The following PRKAR1A variants were observed in gnomAD, a reference collection of about 807,000 sequenced individuals.
The protein encoded by PRKAR1A is protein kinase cAMP-dependent type I regulatory subunit alpha.
A neutral mutation model predicts 52.0 loss-of-function variants in PRKAR1A; 3 were observed. That is an observed-to-expected ratio of 0.06 (90% CI 0.03 to 0.15). PRKAR1A has a LOEUF of 0.15. Ranked by LOEUF, PRKAR1A falls within the 10% of genes least tolerant of loss-of-function variation. PRKAR1A has a pLI of 1.00. For synonymous variants in PRKAR1A, 188 were observed against 168.4 expected (o/e 1.12, Z -0.90); for missense variants, 240 against 477.4 (o/e 0.50, Z 4.63).
At chr17:68,516,241 T>C (rs919466004) in intron 2 of PRKAR1A, among the ~76,000 whole-genome samples, 5 of 152,230 alleles carry the variant, frequency 3.3e-5, no homozygotes, top group Admixed American at 3.3e-4. Flanking sequence ...ATATGGCATA[T>C]GTTTTTCTAA....
chr17:68,426,242 T>TC, the PRKAR1A span: 4 of 669,004 alleles, frequency 6.0e-6, no homozygotes, highest in Non-Finnish European at 8.8e-6. Context: ...ACCTGGCGGG[T>TC]GGGGAGCGGG....
chr17:68,458,101 T>C, the PRKAR1A span, among the ~76,000 whole-genome samples: 5 of 151,960 alleles, frequency 3.3e-5, no homozygotes, highest in Admixed American at 6.6e-5. Flanking sequence ...TCAAGCCGCA[T>C]TGAGAGAAGC....
the PRKAR1A span, among the ~76,000 whole-genome samples, chr17:68,451,605 G>A: frequency 4.5e-4 from 68 of 152,290 alleles, no homozygotes; most frequent in Non-Finnish European, 8.1e-4. Context: ...CCCTTTCCCT[G>A]AGAGATTTCA....
At chr17:68,518,250 A>G (rs1879734631) in intron 2 of PRKAR1A, among the ~76,000 whole-genome samples, 1 of 152,216 alleles carries the variant, frequency 6.6e-6, no homozygotes, top group Non-Finnish European at 1.5e-5. Context: ...TCGTAGTTCC[A>G]TTAGGCAGTG....
the PRKAR1A span, among the ~76,000 whole-genome samples, chr17:68,429,400 G>C: frequency 1.3e-3 from 204 of 152,220 alleles, 1 homozygote; most frequent in African/African-American, 4.5e-3. Flanking sequence ...ATAGGAGTCC[G>C]AACCTAGAAA....
chr17:68,483,436 A>G, the PRKAR1A span, among the ~76,000 whole-genome samples: 1 of 152,172 alleles, frequency 6.6e-6, no homozygotes, highest in Non-Finnish European at 1.5e-5. Context: ...AGCTGAGATG[A>G]CGCCACTGCA....
chr17:68,474,804 C>T, the PRKAR1A span, among the ~76,000 whole-genome samples: 2 of 152,088 alleles, frequency 1.3e-5, no homozygotes, highest in African/African-American at 4.8e-5. Context: ...ATCGCTTGAA[C>T]CCAGGAGTGG....
chr17:68,456,991 T>G, the PRKAR1A span, among the ~76,000 whole-genome samples: 7 of 152,336 alleles, frequency 4.6e-5, no homozygotes, highest in African/African-American at 1.7e-4. Context: ...TTTTGGCCAC[T>G]GTCTCTCTTC....
the PRKAR1A span, among the ~76,000 whole-genome samples, chr17:68,444,970 G>A: frequency 7.3e-6 from 1 of 137,516 alleles, no homozygotes; most frequent in Non-Finnish European, 1.5e-5. Flanking sequence ...ACCCAGACTG[G>A]AGTGCAGTGG....
chr17:68,427,764 C>A, the PRKAR1A span, among the ~76,000 whole-genome samples: 1 of 152,204 alleles, frequency 6.6e-6, no homozygotes, highest in Non-Finnish European at 1.5e-5. Flanking sequence ...TCCCAGTACA[C>A]ACAGGTGAGG....
chr17:68,471,433 C>G, the PRKAR1A span, among the ~76,000 whole-genome samples: 1 of 152,170 alleles, frequency 6.6e-6, no homozygotes, highest in African/African-American at 2.4e-5. Context: ...ATCTCCTCCT[C>G]CCCCAGACAT....
chr17:68,541,851 G>T, intron 11 of PRKAR1A: 1 of 1,087,204 alleles, frequency 9.2e-7, no homozygotes, highest in Non-Finnish European at 1.3e-6. Context: ...CTGATCCCAG[G>T]ATCAATATGA....
At chr17:68,457,450 C>G in the PRKAR1A span, 3 of 1,472,186 alleles carry the variant, frequency 2.0e-6, no homozygotes, top group Admixed American at 2.5e-5. Flanking sequence ...AGCCGCAGCT[C>G]GGAGCCGGCG....
chr17:68,437,014 A>ATGTGTGTGTG, the PRKAR1A span, among the ~76,000 whole-genome samples: 212 of 82,142 alleles, frequency 2.6e-3, no homozygotes, highest in African/African-American at 8.2e-3. Flanking sequence ...AAATATATAT[A>ATGTGTGTGTG]TATGTGTGTG....
the PRKAR1A span, chr17:68,427,536 T>TTA: frequency 4.1e-6 from 1 of 241,408 alleles, no homozygotes; most frequent in Non-Finnish European, 8.2e-6. Flanking sequence ...TTTGTATTTT[T>TTA]AGTAGAGACT....
chr17:68,439,031 C>T, the PRKAR1A span, among the ~76,000 whole-genome samples: 7 of 152,244 alleles, frequency 4.6e-5, no homozygotes, highest in African/African-American at 1.7e-4. Context: ...TCTTATGCAC[C>T]GCTGGTGGGA....
At chr17:68,457,389 G>T in the PRKAR1A span, 2 of 1,535,368 alleles carry the variant, frequency 1.3e-6, no homozygotes, top group Middle Eastern at 1.7e-4. Context: ...ACTCAACCCC[G>T]CCCGGGGGAG....
rs2086028385 is a variant in PRKAR1A at position 68,533,361 on chromosome 17, C to T, written c.*2912C>T. 4 of 1,062,328 alleles carry T rather than the reference C, an allele frequency of 3.8e-6. No individual in the cohort carries two copies. Among genetic ancestry groups the T allele is most frequent in the South Asian group, 4.6e-5 (1 of 21,950 alleles). 65.8% of individuals were successfully genotyped at this position (1,062,328 alleles called of 1,614,324 possible). Reference sequence around the variant, plus strand: ...TGAACATGTGTACCTTTTCTAGATTCAGTAATCCCTTCCCCCCGTCCTCTG... The same window carrying T: ...TGAACATGTGTACCTTTTCTAGATTTAGTAATCCCTTCCCCCCGTCCTCTG... On this transcript the variant is annotated 3_prime_UTR_variant, in exon 11 of 11. Transcript: ENST00000589228.
intron 11 of PRKAR1A, among the ~76,000 whole-genome samples, chr17:68,547,114 G>A (rs900554401): frequency 6.6e-6 from 1 of 152,004 alleles, no homozygotes; most frequent in East Asian, 1.9e-4. Flanking sequence ...AGGCTTTGAG[G>A]CTCCATTTAG....
Sources: gnomAD v4.1 joint callset for allele counts (sites outside exome capture counted in the v4.1 genomes callset) on GRCh38, gnomAD v4.1.1 for gene constraint, MANE v1.5 for transcripts, NCBI Gene and HGNC (gene_info 2026-07-23, HGNC 2026-07-21) for gene names.